The following UNC13C variants were observed in gnomAD, a reference collection of about 807,000 sequenced individuals.
The protein encoded by UNC13C is protein unc-13 homolog C.
UNC13C carries 174 observed loss-of-function variants against 245.4 expected under a neutral mutation model. The observed-to-expected ratio is 0.71, with a 90% confidence interval of 0.63 to 0.80. UNC13C has a LOEUF of 0.80. UNC13C is among the 30% of genes least tolerant of loss of function. UNC13C has a pLI of 0.00. For synonymous variants in UNC13C, 992 were observed against 895.1 expected, an observed-to-expected ratio of 1.11 and a Z score of -1.93; for missense variants, 2,829 against 2,602.9, an observed-to-expected ratio of 1.09 and a Z score of -1.89.
rs182990599 is a variant in UNC13C, at chr15:54,285,357, T to C, written c.3819-8538T>C. On this transcript the variant is annotated intron_variant, in intron 10 of 32. Transcript: ENST00000260323. ...CAACACTGGGTTTTGAAGTCAGAGT[T>C]TGTCCATCTACTATAATAGAATTTG... 1.7e-4 allele frequency among the ~76,000 whole-genome samples: 26 copies of C among 152,284 alleles called. No individual in the cohort carries two copies. In the East Asian group the frequency reaches 4.8e-3, roughly 28 times the overall value.
chr15:54,337,358 G>C (rs59966258), intron 16 of UNC13C, among the ~76,000 whole-genome samples: 1 of 152,082 alleles, frequency 6.6e-6, no homozygotes, highest in South Asian at 2.1e-4. Flanking sequence ...CACAACTGTA[G>C]ATTCATTTAT....
chr15:54,387,668 G>A (rs1047878041), intron 17 of UNC13C, among the ~76,000 whole-genome samples: 13 of 152,184 alleles, frequency 8.5e-5, no homozygotes, highest in Middle Eastern at 3.4e-3. Flanking sequence ...TCAGAATTAT[G>A]AATAGGTAAA....
At chr15:54,177,661 T>A (rs2033660953) in intron 4 of UNC13C, among the ~76,000 whole-genome samples, 1 of 152,166 alleles carries the variant, frequency 6.6e-6, no homozygotes, top group Non-Finnish European at 1.5e-5. Context: ...AATTTTTATG[T>A]AGGCATGATA....
At position 54,056,331 on chromosome 15, in the gene UNC13C, G is replaced by T. The variant is rs540449370; in HGVS notation, c.2983+40445G>T. Among the ~76,000 whole-genome samples, 214 of 152,240 alleles carry T rather than the reference G, an allele frequency of 1.4e-3. 1 individual carries two copies. Among genetic ancestry groups the T allele is most frequent in the African/African-American group, 5.0e-3 (207 of 41,548 alleles). On this transcript the variant is annotated intron_variant, in intron 2 of 32. Coordinates refer to ENST00000260323, the MANE Select transcript of UNC13C (RefSeq NM_001080534.3). ...GACGAATGCACAAGCCTCAGTAACC[G>T]ATGCGATCAACTGGAAGAAAGGGTA... is the stretch of plus-strand genomic sequence containing the variant.
chr15:54,458,776 G>T (rs151055948), intron 19 of UNC13C, among the ~76,000 whole-genome samples: 1 of 129,968 alleles, frequency 7.7e-6, no homozygotes. Flanking sequence ...TTTACCTTAA[G>T]TTTATGTGTA....
At chr15:54,087,324 G>A (rs1899301919) in intron 2 of UNC13C, among the ~76,000 whole-genome samples, 1 of 152,092 alleles carries the variant, frequency 6.6e-6, no homozygotes, top group African/African-American at 2.4e-5. Flanking sequence ...AGTGGCAGAT[G>A]GATTTCTAGC....
At position 54,333,855 on chromosome 15, in the gene UNC13C, A is replaced by T; in HGVS notation, c.4583A>T (p.Lys1528Met). ...LLTSITFFRM[K>M]VLELQSPPKA... The stretch of plus-strand genomic sequence containing the variant: ...ACAAGTATCACCTTTTTTAGGATGA[A>T]GGTATCTCATTTTATTTCTGTCACT... Residue 1528 changes from lysine (K) to methionine (M), a missense_variant and splice_region_variant, in exon 16 of 33, where the codon AAG becomes ATG. By Grantham distance (95) the Lys-to-Met change is moderately conservative (BLOSUM62 -1). Transcript: ENST00000260323. 1 of 1,592,822 alleles carries T rather than the reference A, an allele frequency of 6.3e-7. No individual in the cohort carries two copies. The highest frequency in any genetic ancestry group is 8.6e-7 in the Non-Finnish European group (1 of 1,167,042).
At chr15:54,129,409 CT>C (rs2031268783) in intron 2 of UNC13C, among the ~76,000 whole-genome samples, 1 of 152,092 alleles carries the variant, frequency 6.6e-6, no homozygotes, top group African/African-American at 2.4e-5. Context: ...AGGTGCATAT[CT>C]TTCTGTATCC....
chr15:54,613,328 A>T (rs1900226349), intron 30 of UNC13C, among the ~76,000 whole-genome samples: 1 of 151,964 alleles, frequency 6.6e-6, no homozygotes. Flanking sequence ...TTGACATATT[A>T]AAAAATGTCT....
chr15:54,322,105 A>AT lies in UNC13C; in HGVS notation c.4425+16dup. On this transcript the variant is annotated intron_variant, in intron 14 of 32. Coordinates refer to ENST00000260323, the MANE Select transcript of UNC13C (RefSeq NM_001080534.3). ...TGCTACCAACTTTGGTGTAAGTATA[A>AT]TTTTTTAAACTTTAAAATTCCTAGC... The AT allele has an allele frequency of 6.5e-7, 1 of 1,543,106 alleles. No individual in the cohort carries two copies. Among genetic ancestry groups the AT allele is most frequent in the East Asian group, 2.4e-5 (1 of 42,094 alleles).
chr15:54,461,398 T>A (rs1891835788), intron 19 of UNC13C, among the ~76,000 whole-genome samples: 1 of 152,190 alleles, frequency 6.6e-6, no homozygotes, highest in Non-Finnish European at 1.5e-5. Flanking sequence ...GCATTTTAGA[T>A]AAGGGATATT....
In UNC13C at chr15:54,162,831, T is replaced by C. The variant is rs113053043; in HGVS notation, c.3071+19147T>C. 5.6e-3 allele frequency among the ~76,000 whole-genome samples: 858 copies of C among 152,296 alleles called. 13 individuals are homozygous for C. The highest frequency in any genetic ancestry group is 0.02 in the African/African-American group (827 of 41,568). On this transcript the variant is annotated intron_variant, in intron 4 of 32. Coordinates refer to ENST00000260323, the MANE Select transcript of UNC13C (RefSeq NM_001080534.3). ...TAAAATAGTTCCCTGAATAATCCCTTGTTAAAACTCAACAAGATTAAGCAT... is the reference window on the plus strand; with the variant it reads ...TAAAATAGTTCCCTGAATAATCCCTCGTTAAAACTCAACAAGATTAAGCAT...
intron 4 of UNC13C, among the ~76,000 whole-genome samples, chr15:54,157,991 C>G (rs942839051): frequency 2.0e-5 from 3 of 152,166 alleles, no homozygotes; most frequent in Non-Finnish European, 2.9e-5. Flanking sequence ...TAGTAATTGC[C>G]TACTCCAGCC....
the UNC13C span, among the ~76,000 whole-genome samples, chr15:53,923,537 A>G: frequency 6.6e-6 from 1 of 152,224 alleles, no homozygotes; most frequent in Non-Finnish European, 1.5e-5. Context: ...ATGACCCTTG[A>G]GCCATCCTCT....
chr15:54,442,632 T>A (rs11855219), intron 19 of UNC13C, among the ~76,000 whole-genome samples: 21,685 of 152,130 alleles, frequency 0.14, 1,582 homozygotes, highest in Non-Finnish European at 0.17. Flanking sequence ...TATGCCTAGT[T>A]TATTGAGAAG....
At chr15:53,867,391 T>C in the UNC13C span, among the ~76,000 whole-genome samples, 1 of 152,188 alleles carries the variant, frequency 6.6e-6, no homozygotes, top group Admixed American at 6.5e-5. Flanking sequence ...TGAAATTGCT[T>C]CCATTACTTA....
chr15:54,082,480 G>T (rs537981413), intron 2 of UNC13C, among the ~76,000 whole-genome samples: 24 of 151,768 alleles, frequency 1.6e-4, no homozygotes, highest in African/African-American at 5.8e-4. Flanking sequence ...TTTAAATTTT[G>T]TCTGACTGGG....
At chr15:54,135,179 T>C (rs28838359) in intron 2 of UNC13C, among the ~76,000 whole-genome samples, 2,687 of 152,332 alleles carry the variant, frequency 0.018, 85 homozygotes, top group African/African-American at 0.062. Flanking sequence ...GATTTTGCTA[T>C]GGAGTTATAT....
intron 17 of UNC13C, among the ~76,000 whole-genome samples, chr15:54,371,718 AC>A (rs2039491012): frequency 1.1e-4 from 4 of 37,134 alleles, no homozygotes. Context: ...ATATATATAT[AC>A]ACACACACAC....
Sources: allele counts gnomAD v4.1 joint callset (sites outside exome capture counted in the v4.1 genomes callset), GRCh38; gene constraint gnomAD v4.1.1; transcripts MANE v1.5; gene names NCBI Gene and HGNC (gene_info 2026-07-23, HGNC 2026-07-21).